Variants in MCF2L2 observed in about 807,000 individuals in gnomAD.
MCF2L2 encodes the protein MCF.2 cell line derived transforming sequence-like 2.
A neutral mutation model predicts 150.2 loss-of-function variants in MCF2L2; 102 were observed. The ratio of observed to expected loss-of-function variants is 0.68; its 90% confidence interval spans 0.58 to 0.80. The LOEUF is 0.80. Ranked by LOEUF, MCF2L2 falls within the 30% of genes least tolerant of loss-of-function variation. The probability of loss-of-function intolerance (pLI) is 0.00; values close to 1 mark genes in which losing one functional copy is unlikely to be tolerated. For missense variants in MCF2L2, 1,256 were observed against 1,372.8 expected (o/e 0.91, Z 1.34); for synonymous variants, 465 against 491.3 (o/e 0.95, Z 0.71).
chr3:183,212,965 T>TGGGGGGGGGGGGGGGGGG (rs1238129253), intron 22 of MCF2L2, among the ~76,000 whole-genome samples: 1 of 10,232 alleles, frequency 9.8e-5, no homozygotes, highest in African/African-American at 3.2e-4. Flanking sequence ...GTGGGGGGGG[T>TGGGGGGGGGGGGGGGGGG]GGGGGGGTGG....
chr3:183,185,583 T>C (rs1721665070), intron 27 of MCF2L2, among the ~76,000 whole-genome samples: 1 of 152,296 alleles, frequency 6.6e-6, no homozygotes, highest in East Asian at 1.9e-4. Context: ...CCCTTCATCA[T>C]TGTGTTGTGT....
intron 14 of MCF2L2, among the ~76,000 whole-genome samples, chr3:183,278,456 CA>C (rs2108461807): frequency 6.6e-6 from 1 of 152,082 alleles, no homozygotes; most frequent in South Asian, 2.1e-4. Context: ...ACCACACTAC[CA>C]AAAGTCTTTC....
At chr3:183,201,802 A>G (rs528926200) in intron 25 of MCF2L2, among the ~76,000 whole-genome samples, 14 of 152,340 alleles carry the variant, frequency 9.2e-5, no homozygotes, top group African/African-American at 3.1e-4. Context: ...ACGTCCCATC[A>G]ATACCTAGTT....
intron 27 of MCF2L2, among the ~76,000 whole-genome samples, chr3:183,188,073 A>G (rs1721759277): frequency 6.6e-6 from 1 of 152,158 alleles, no homozygotes; most frequent in Non-Finnish European, 1.5e-5. Flanking sequence ...ACATCTCGCA[A>G]TACTCCCATG....
At chr3:183,263,720 C>T (rs964344523) in intron 15 of MCF2L2, among the ~76,000 whole-genome samples, 2 of 152,258 alleles carry the variant, frequency 1.3e-5, no homozygotes, top group Non-Finnish European at 2.9e-5. Context: ...GTCTCTCCAT[C>T]GCCTCGAACT....
At chr3:183,193,353 C>CTTTTT (rs1270176096) in intron 26 of MCF2L2, among the ~76,000 whole-genome samples, 1 of 109,356 alleles carries the variant, frequency 9.1e-6, no homozygotes, top group Non-Finnish European at 1.7e-5. Context: ...TTTTCTTTTT[C>CTTTTT]TTTCTTTTTT....
intron 1 of MCF2L2, among the ~76,000 whole-genome samples, chr3:183,423,459 T>G (rs1026845259): frequency 6.6e-6 from 1 of 152,124 alleles, no homozygotes; most frequent in Non-Finnish European, 1.5e-5. Flanking sequence ...CTTTTCTGCT[T>G]CACAGTTAAT....
intron 1 of MCF2L2, among the ~76,000 whole-genome samples, chr3:183,415,242 T>C (rs989358179): frequency 1.3e-5 from 2 of 152,104 alleles, no homozygotes; most frequent in Non-Finnish European, 2.9e-5. Flanking sequence ...TGGAGTGCAG[T>C]GGTGCAGTCT....
rs1396944302 is a variant in MCF2L2, at chr3:183,311,649, T to C, written c.877A>G (p.Arg293Gly). ...GCTGATTCCACTTCACTCACTCACC[T>C]TTCCATGGTAGTTACATTCTCAAGT... ...NQLENVTTME[R>G]LLVQLDETEK... is the part of the protein sequence containing the mutation. Residue 293 changes from arginine to glycine, a missense_variant and splice_region_variant, in exon 8 of 30, where the codon AGG becomes GGG. By Grantham distance (125) the Arg-to-Gly change is moderately radical. Transcript: ENST00000328913. 6.2e-7 allele frequency: 1 copy of C among 1,614,026 alleles called. No individual in the cohort carries two copies. Among genetic ancestry groups the C allele is most frequent in the Non-Finnish European group, 8.5e-7 (1 of 1,179,958 alleles).
At chr3:183,199,193 T>C (rs1215440528) in intron 25 of MCF2L2, among the ~76,000 whole-genome samples, 2 of 152,226 alleles carry the variant, frequency 1.3e-5, no homozygotes, top group African/African-American at 4.8e-5. Flanking sequence ...CTGATGATCA[T>C]AGAAGACCTA....
At chr3:183,387,569 A>G (rs1299220392) in intron 2 of MCF2L2, among the ~76,000 whole-genome samples, 5 of 152,230 alleles carry the variant, frequency 3.3e-5, no homozygotes, top group African/African-American at 1.2e-4. Flanking sequence ...AAAAGATATC[A>G]GAAAAAAAGA....
chr3:183,397,818 G>T (rs924599290), intron 1 of MCF2L2, among the ~76,000 whole-genome samples: 1 of 152,140 alleles, frequency 6.6e-6, no homozygotes, highest in Non-Finnish European at 1.5e-5. Context: ...CAAAATAAAT[G>T]GGTTTGAAGA....
intron 3 of MCF2L2, among the ~76,000 whole-genome samples, chr3:183,368,629 T>C (rs1463291534): frequency 6.6e-6 from 1 of 152,118 alleles, no homozygotes; most frequent in African/African-American, 2.4e-5. Flanking sequence ...CCAGGCGTGG[T>C]GGCAGGTGGC....
intron 27 of MCF2L2, among the ~76,000 whole-genome samples, chr3:183,182,995 G>A (rs1428067163): frequency 1.3e-5 from 2 of 152,070 alleles, no homozygotes; most frequent in East Asian, 3.9e-4. Flanking sequence ...CCAGCCCTGG[G>A]CTTTTATTTA....
In MCF2L2 at chr3:183,188,272, A is replaced by C. The variant is rs995503588; in HGVS notation, c.3016+4727T>G. 5.9e-5 allele frequency among the ~76,000 whole-genome samples: 9 copies of C among 152,322 alleles called. No homozygotes were observed. The South Asian group carries it at 1.9e-3, about 32-fold the overall frequency. On this transcript the variant is annotated intron_variant, in intron 27 of 29. Transcript: ENST00000328913. ...CAGGTGGCAGCCACAGATTGAGTTA[A>C]GTAGGATTCTTGCTGTGTTCCCTAG...
At chr3:183,427,340 C>T (rs765269475) in intron 1 of MCF2L2, among the ~76,000 whole-genome samples, 1 of 152,214 alleles carries the variant, frequency 6.6e-6, no homozygotes, top group Non-Finnish European at 1.5e-5. Context: ...TGCTCAGTCT[C>T]CTTGGCTTGC....
chr3:183,312,744 C>T lies in MCF2L2; in HGVS notation c.754-972G>A, dbSNP rs528944502. Among the ~76,000 whole-genome samples, 7 of 152,330 alleles carry T rather than the reference C, an allele frequency of 4.6e-5. No individual in the cohort carries two copies. The South Asian group carries it at 1.5e-3, about 32-fold the overall frequency. On this transcript the variant is annotated intron_variant, in intron 7 of 29. Coordinates refer to ENST00000328913, the MANE Select transcript of MCF2L2 (RefSeq NM_015078.4). ...CTCCCCACTCTGATCACACAGAAGT[C>T]CTGGACCCTCTCAAGCTGGTACCTT...
At chr3:183,285,847 A>G (rs1366507370) in intron 14 of MCF2L2, among the ~76,000 whole-genome samples, 1 of 152,232 alleles carries the variant, frequency 6.6e-6, no homozygotes, top group Non-Finnish European at 1.5e-5. Flanking sequence ...TAGGAAAAAG[A>G]AATTGTCAGC....
At chr3:183,232,058 A>G (rs1031147563) in intron 15 of MCF2L2, among the ~76,000 whole-genome samples, 1 of 152,212 alleles carries the variant, frequency 6.6e-6, no homozygotes, top group Non-Finnish European at 1.5e-5. Context: ...TGTCCTAATC[A>G]TATGAACTCA....
Sources: allele counts gnomAD v4.1 joint callset (sites outside exome capture counted in the v4.1 genomes callset), GRCh38; gene constraint gnomAD v4.1.1; transcripts MANE v1.5; gene names NCBI Gene and HGNC (gene_info 2026-07-23, HGNC 2026-07-21).